SLC33A2: variants seen among roughly 807,000 people sequenced by gnomAD.
SLC33A2 encodes major facilitator superfamily domain containing 3.
chr8:144,510,128 C>G, the SLC33A2 span: 1 of 1,367,276 alleles, frequency 7.3e-7, no homozygotes, highest in South Asian at 1.4e-5. Context: ...GGGGTATGAC[C>G]TGCAAGACTT....
the SLC33A2 span, chr8:144,509,998 T>G: frequency 1.9e-6 from 3 of 1,595,736 alleles, no homozygotes; most frequent in South Asian, 1.1e-5. Context: ...GCAGGCTTTG[T>G]GCTCACCTAC....
the SLC33A2 span, chr8:144,509,963 A>G: frequency 1.3e-6 from 2 of 1,595,992 alleles, no homozygotes; most frequent in Admixed American, 1.7e-5. Flanking sequence ...GGGACGTGCT[A>G]GCCGTGCCGG....
chr8:144,510,477 C>G, the SLC33A2 span: 1 of 1,612,796 alleles, frequency 6.2e-7, no homozygotes, highest in Admixed American at 1.7e-5. Flanking sequence ...GCTGGCTCCT[C>G]CCTGGGTGGG....
At chr8:144,511,092 C>A in the SLC33A2 span, 4 of 1,609,520 alleles carry the variant, frequency 2.5e-6, no homozygotes, top group African/African-American at 5.3e-5. Context: ...CACATCCCTG[C>A]TTCTTGCTCC....
the SLC33A2 span, chr8:144,509,090 C>T: frequency 2.3e-6 from 1 of 436,866 alleles, no homozygotes; most frequent in Non-Finnish European, 4.0e-6. Flanking sequence ...CCGGGAGCCG[C>T]CGGCCGCCGG....
chr8:144,510,498 C>T, the SLC33A2 span: 2 of 1,612,576 alleles, frequency 1.2e-6, no homozygotes, highest in African/African-American at 1.3e-5. Context: ...ACCTTGCTGG[C>T]CAAGCACTGG....
At chr8:144,510,100 C>G in the SLC33A2 span, 1 of 1,448,950 alleles carries the variant, frequency 6.9e-7, no homozygotes, top group South Asian at 1.3e-5. Flanking sequence ...CAACCCATTA[C>G]AGGGCCACGC....
the SLC33A2 span, chr8:144,509,110 C>G: frequency 2.2e-6 from 1 of 460,030 alleles, no homozygotes; most frequent in Non-Finnish European, 3.7e-6. Context: ...GTGTCCGGAC[C>G]GCTCGCCCCC....
At chr8:144,510,946 G>A in the SLC33A2 span, 77 of 1,599,516 alleles carry the variant, frequency 4.8e-5, no homozygotes, top group Non-Finnish European at 6.4e-5. Context: ...CACGGGGCTG[G>A]GGCTGTGTGG....
the SLC33A2 span, chr8:144,510,752 G>A: frequency 1.9e-6 from 3 of 1,604,912 alleles, no homozygotes; most frequent in Admixed American, 1.7e-5. Context: ...GAGGAAGAGA[G>A]GGGCCAGGAG....
At chr8:144,510,127 C>T in the SLC33A2 span, 3 of 1,370,226 alleles carry the variant, frequency 2.2e-6, no homozygotes, top group East Asian at 2.5e-5. Context: ...TGGGGTATGA[C>T]CTGCAAGACT....
chr8:144,510,904 G>A, the SLC33A2 span: 7 of 1,604,122 alleles, frequency 4.4e-6, no homozygotes, highest in African/African-American at 9.3e-5. Context: ...GGCCCTGCAG[G>A]TGAGTAGATG....
chr8:144,509,548 G>C, the SLC33A2 span: 1 of 1,519,686 alleles, frequency 6.6e-7, no homozygotes, highest in Admixed American at 2.0e-5. Flanking sequence ...TGGGTGACGC[G>C]CAGCACGGCG....
chr8:144,509,902 T>C, the SLC33A2 span: 1 of 1,552,614 alleles, frequency 6.4e-7, no homozygotes, highest in Non-Finnish European at 8.6e-7. Flanking sequence ...CTGCGGCGGC[T>C]CCCACAGCAG....
the SLC33A2 span, chr8:144,509,403 G>A: frequency 2.4e-5 from 36 of 1,527,196 alleles, no homozygotes; most frequent in African/African-American, 4.3e-4. Flanking sequence ...GCTCCAGTCC[G>A]GCCTCCTGCC....
At chr8:144,511,069 G>T in the SLC33A2 span, 1 of 1,608,076 alleles carries the variant, frequency 6.2e-7, no homozygotes, top group Non-Finnish European at 8.5e-7. Flanking sequence ...AGGCCTGGCT[G>T]ATGGGTTGGG....
At chr8:144,510,762 G>A in the SLC33A2 span, 1 of 1,609,464 alleles carries the variant, frequency 6.2e-7, no homozygotes, top group Non-Finnish European at 8.5e-7. Flanking sequence ...GGGGCCAGGA[G>A]CCTGGGGCAC....
chr8:144,510,502 G>A, the SLC33A2 span: 18 of 1,612,548 alleles, frequency 1.1e-5, no homozygotes, highest in South Asian at 1.8e-4. Context: ...TGCTGGCCAA[G>A]CACTGGTGAG....
the SLC33A2 span, chr8:144,510,000 C>G: frequency 2.5e-6 from 4 of 1,595,608 alleles, no homozygotes; most frequent in Non-Finnish European, 3.4e-6. Context: ...AGGCTTTGTG[C>G]TCACCTACAA....
Sources: gnomAD v4.1 joint callset for allele counts on GRCh38, gnomAD v4.1.1 for gene constraint, MANE v1.5 for transcripts, NCBI Gene and HGNC (gene_info 2026-07-23, HGNC 2026-07-21) for gene names.